Variants in PKMYT1 observed in about 807,000 individuals in gnomAD.
PKMYT1 encodes membrane-associated tyrosine- and threonine-specific cdc2-inhibitory kinase.
In PKMYT1, 35 loss-of-function variants were observed where a neutral mutation model predicts 49.7. The observed-to-expected ratio is 0.70, with a 90% CI of 0.54 to 0.93. The LOEUF (loss-of-function observed/expected upper bound fraction) is 0.93, where lower values mean the gene tolerates loss of function less well. PKMYT1 is among the 40% of genes least tolerant of loss of function. PKMYT1 has a pLI of 0.00. For missense variants in PKMYT1, 677 were observed against 673.1 expected, an observed-to-expected ratio of 1.01 and a Z score of -0.06; for synonymous variants, 331 against 287.6, an observed-to-expected ratio of 1.15 and a Z score of -1.53.
chr16:2,976,369 G>A (rs893820054), intron 3 of PKMYT1, among the ~76,000 whole-genome samples: 1 of 152,108 alleles, frequency 6.6e-6, no homozygotes, highest in African/African-American at 2.4e-5. Flanking sequence ...GGGCCGACTC[G>A]CCAAGGACGC....
At chr16:2,977,407 G>C (rs564424869) in intron 2 of PKMYT1, 9 of 1,015,944 alleles carry the variant, frequency 8.9e-6, no homozygotes, top group East Asian at 9.2e-5. Flanking sequence ...GAGACTACAC[G>C]GGCCCACGAT....
chr16:2,974,222 A>G (rs1199239210), intron 6 of PKMYT1, 23 bp downstream of exon 6: 1 of 1,553,762 alleles, frequency 6.4e-7, no homozygotes, highest in Non-Finnish European at 8.7e-7. Context: ...CAGGGCAGGC[A>G]GCCGCCACTG....
chr16:2,977,368 C>G, intron 2 of PKMYT1: 1 of 1,075,412 alleles, frequency 9.3e-7, no homozygotes, highest in Non-Finnish European at 1.1e-6. Context: ...ACGGCCAGCT[C>G]TTTGATCCTA....
At chr16:2,979,588 G>C in intron 2 of PKMYT1, 60 bp downstream of exon 2, 18 of 1,382,850 alleles carry the variant, frequency 1.3e-5, no homozygotes, top group Non-Finnish European at 1.9e-5. Flanking sequence ...TGGCACACTC[G>C]GGGACCTGGG....
In PKMYT1 at chr16:2,979,913, C is replaced by G. The variant is rs576123313; in HGVS notation, c.-255-1G>C. On this transcript the variant is annotated splice_acceptor_variant, in intron 1 of 8. Transcript: ENST00000262300. LOFTEE classifies it low-confidence loss of function (5UTR_SPLICE). Reference sequence around the variant, plus strand: ...TTCACTCCGTGGGTGTGGGGAAGCCCTGGCGAACAGAGCAGTGGACGGGCT... The same window carrying G: ...TTCACTCCGTGGGTGTGGGGAAGCCGTGGCGAACAGAGCAGTGGACGGGCT... 25 of 566,918 alleles carry G rather than the reference C, an allele frequency of 4.4e-5. No homozygotes were observed. In the South Asian group the frequency reaches 4.8e-4, roughly 11 times the overall value. 35.1% of individuals were successfully genotyped at this position (566,918 alleles called of 1,614,324 possible). A position where few individuals can be genotyped will look rare whatever the true frequency, so the allele number is the denominator to read the frequency against.
Position 2,975,176 on chromosome 16 carries a change from G to A in PKMYT1, c.872+143C>T, listed in dbSNP as rs2072151443. On this transcript the variant is annotated intron_variant, in intron 4 of 8. Transcript: ENST00000262300. ...CTGACCAGAGACGCTCTCCACTGGA[G>A]GGCAGGGATGGCGTCTCAGCCTTGT... The A allele has an allele frequency of 5.8e-6, 6 of 1,030,952 alleles. No homozygotes were observed. The South Asian group carries it at 1.0e-4, about 18-fold the overall frequency. 63.9% of individuals were successfully genotyped at this position (1,030,952 alleles called of 1,614,324 possible).
At chr16:2,978,849 C>T (rs2072267576) in intron 2 of PKMYT1, among the ~76,000 whole-genome samples, 1 of 150,706 alleles carries the variant, frequency 6.6e-6, no homozygotes, top group South Asian at 2.1e-4. Flanking sequence ...CTCTGTTGCC[C>T]AGGCTGGAGT....
Position 2,975,377 on chromosome 16 carries a change from G to C in PKMYT1, c.814C>G (p.Arg272Gly). 6.2e-7 allele frequency: 1 copy of C among 1,613,040 alleles called. No homozygotes were observed. Among genetic ancestry groups the C allele is most frequent in the Non-Finnish European group, 8.5e-7 (1 of 1,179,912 alleles). The change falls in exon 4 of 9, where the codon CGC becomes GGC. Residue 272 changes from arginine (R) to glycine (G), a missense_variant. Coordinates refer to ENST00000262300, the MANE Select transcript of PKMYT1 (RefSeq NM_004203.5). ...GAGEVQEGDP[R>G]YMAPELLQGS... ...TGCAGCAGCTCGGGGGCCATGTAGC[G>C]GGGGTCTCCCTCCTGGACCTCACCA...
intron 2 of PKMYT1, chr16:2,977,648 C>T (rs1349062645): frequency 1.1e-5 from 3 of 261,014 alleles, no homozygotes; most frequent in Non-Finnish European, 1.8e-5. Flanking sequence ...AAGGTTTACA[C>T]AAGAAAACCT....
At chr16:2,976,161 G>A (rs1159529958) in intron 3 of PKMYT1, 5 of 316,642 alleles carry the variant, frequency 1.6e-5, no homozygotes, top group Non-Finnish European at 2.9e-5. Context: ...CTGACCTGGG[G>A]GCCAATGTTG....
chr16:2,974,573 T>C lies in PKMYT1; in HGVS notation c.956A>G (p.Tyr319Cys), dbSNP rs79750900. 11 of 1,580,126 alleles carry C rather than the reference T, an allele frequency of 7.0e-6. No homozygotes were observed. In the African/African-American group the frequency reaches 1.5e-4, roughly 21 times the overall value. The part of the protein sequence containing the change: ...GEGWQQLRQG[Y>C]LPPEFTAGLS... ...ACCGGCAGTGAACTCAGGGGGCAGG[T>C]AGCCCTGGCGCAGCTGCTGCCAGCC... Residue 319 changes from tyrosine to cysteine, a missense_variant, in exon 5 of 9, where the codon TAC becomes TGC. Transcript: ENST00000262300.
rs1249754904 is a variant in PKMYT1, at chr16:2,976,909, T to C, written c.133A>G (p.Arg45Gly). Reference sequence around the variant, plus strand: ...GGTGGGAGGCTCCGGCTGAGCCCCCTGGGCCTCTTGAGGGAGAATCCAGGT... The same window carrying C: ...GGTGGGAGGCTCCGGCTGAGCCCCCCGGGCCTCTTGAGGGAGAATCCAGGT... ...AEPGFSLKRPRGLSRSLPPPP... is the reference protein window; with the variant it reads ...AEPGFSLKRPGGLSRSLPPPP... The change falls in exon 3 of 9, where the codon AGG becomes GGG. Residue 45 changes from arginine (R) to glycine (G), a missense_variant. Physicochemically the swap from Arg to Gly is moderately radical, Grantham distance 125. Transcript: ENST00000262300. 13 of 1,542,916 alleles carry C rather than the reference T, an allele frequency of 8.4e-6. No individual in the cohort carries two copies. The highest frequency in any genetic ancestry group is 1.1e-5 in the Non-Finnish European group (13 of 1,140,158).
intron 7 of PKMYT1, chr16:2,973,553 G>T (rs181173304): frequency 4.3e-6 from 4 of 920,808 alleles, no homozygotes; most frequent in African/African-American, 3.3e-5. Context: ...GTAAGGAAGG[G>T]GCTAACGGCA....
In PKMYT1 at chr16:2,977,010, G is replaced by A. The variant is rs1428591897; in HGVS notation, c.32C>T (p.Pro11Leu). 18 of 1,583,936 alleles carry A rather than the reference G, an allele frequency of 1.1e-5. No homozygotes were observed. Among genetic ancestry groups the A allele is most frequent in the Admixed American group, 1.8e-5 (1 of 57,136 alleles). The change falls in exon 3 of 9, where the codon CCC (proline) becomes CTC (leucine). Residue 11 changes from proline (P) to leucine (L), a missense_variant. Coordinates refer to ENST00000262300, the MANE Select transcript of PKMYT1 (RefSeq NM_004203.5). The stretch of plus-strand genomic sequence containing the variant: ...TGGCGGGGTGCCCTCCGTGGGCATG[G>A]GCATGGCCAGTGCAGGAGGCCCTGG... MLERPPALAM[P>L]MPTEGTPPPL...
chr16:2,974,311 C>T lies in PKMYT1; in HGVS notation c.1086G>A (p.Pro362=), dbSNP rs4149799. The change falls in exon 6 of 9, where the codon CCG becomes CCA. Residue 362 remains proline, a synonymous_variant. Coordinates refer to ENST00000262300, the MANE Select transcript of PKMYT1 (RefSeq NM_004203.5). ...ALLALPVLRQ[P]RAWGVLWCMA... Reference sequence around the variant, plus strand: ...TGCACCACAGCACACCCCAGGCCCGCGGCTGCCTCAACACAGGCAGTGCCA... The same window carrying T: ...TGCACCACAGCACACCCCAGGCCCGTGGCTGCCTCAACACAGGCAGTGCCA... The T allele has an allele frequency of 4.3e-5, 69 of 1,596,800 alleles. No homozygotes were observed. In the African/African-American group the frequency reaches 5.5e-4, roughly 13 times the overall value.
rs533145270 is a variant in PKMYT1, at chr16:2,973,514, A to G, written c.1311-299T>C. Reference sequence around the variant, plus strand: ...TTCTGGAACTTCTTGTCTGCTATCAAGTGCCCCGAGGGATGAGGTGATGTG... The same window carrying G: ...TTCTGGAACTTCTTGTCTGCTATCAGGTGCCCCGAGGGATGAGGTGATGTG... On this transcript the variant is annotated intron_variant, in intron 7 of 8. Transcript: ENST00000262300. 196 of 1,309,682 alleles carry G rather than the reference A, an allele frequency of 1.5e-4. No individual in the cohort carries two copies. The African/African-American group carries it at 2.5e-3, about 16-fold the overall frequency. The allele number at this position is 1,309,682 out of a possible 1,614,324, so 81.1% of individuals were successfully genotyped here.
chr16:2,977,209 C>T, intron 2 of PKMYT1, 178 bp from the exon 3 acceptor site: 3 of 1,423,288 alleles, frequency 2.1e-6, no homozygotes, highest in Non-Finnish European at 2.8e-6. Context: ...CAGATTCATA[C>T]TCACCTGCCC....
At position 2,975,304 on chromosome 16, in the gene PKMYT1, T is replaced by C. The variant is rs1229488727; in HGVS notation, c.872+15A>G. ...CCCACAGCCTGCCAAACACCTGGCGTGCCCCGGTCCCCACCTGAACACATC... is the reference window on the plus strand; with the variant it reads ...CCCACAGCCTGCCAAACACCTGGCGCGCCCCGGTCCCCACCTGAACACATC... On this transcript the variant is annotated intron_variant, in intron 4 of 8. Transcript: ENST00000262300. 6.3e-7 allele frequency: 1 copy of C among 1,593,246 alleles called. No individual in the cohort carries two copies. Among genetic ancestry groups the C allele is most frequent in the Non-Finnish European group, 8.6e-7 (1 of 1,167,112 alleles).
chr16:2,975,642 CA>C lies in PKMYT1; in HGVS notation c.548del (p.Leu183ArgfsTer156). On this transcript the variant is annotated frameshift_variant, in exon 4 of 9. Transcript: ENST00000262300. LOFTEE classifies it high-confidence loss of function. ...GCCCGCACAGCTCCGTCTGCAGGTACAGGATGCCGCCCTCCTCCCAGGCCTG... is the reference window on the plus strand; with the variant it reads ...GCCCGCACAGCTCCGTCTGCAGGTACGGATGCCGCCCTCCTCCCAGGCCTG... ...LEQAWEEGGILYLQTELCGPS... is the reference protein window; with the variant it reads ...LEQAWEEGGIXYLQTELCGPS... 6.2e-7 allele frequency: 1 copy of C among 1,611,488 alleles called. No individual in the cohort carries two copies. The highest frequency in any genetic ancestry group is 8.5e-7 in the Non-Finnish European group (1 of 1,179,764).
Sources: allele counts gnomAD v4.1 joint callset (sites outside exome capture counted in the v4.1 genomes callset), GRCh38; gene constraint gnomAD v4.1.1; transcripts MANE v1.5; gene names NCBI Gene and HGNC (gene_info 2026-07-23, HGNC 2026-07-21).